RGL2: variants seen among roughly 807,000 people sequenced by gnomAD.
RGL2 encodes ral guanine nucleotide dissociation stimulator-like 2.
A neutral mutation model predicts 84.6 loss-of-function variants in RGL2; 40 were observed. The observed-to-expected ratio is 0.47, with a 90% CI of 0.37 to 0.62. The LOEUF (loss-of-function observed/expected upper bound fraction) is 0.62. Among genes scored for constraint, RGL2 ranks in the 20% least tolerant of loss-of-function variants. The pLI, the probability that RGL2 is intolerant of heterozygous loss-of-function variation, is 0.00. For synonymous variants in RGL2, 369 were observed against 417.3 expected (o/e 0.88, Z 1.41); for missense variants, 865 against 1,019.7 (o/e 0.85, Z 2.07).
Position 33,294,147 on chromosome 6 carries a change from C to CA in RGL2, c.1354-82dup. ...GAGAGAATATCCCCTCTCTTAAACA[C>CA]ACACAGCCACATCCAACTCACAACC... On this transcript the variant is annotated intron_variant, in intron 11 of 17. Coordinates refer to ENST00000497454, the MANE Select transcript of RGL2 (RefSeq NM_004761.5). The surrounding 1 kb of genome is among the most constrained non-coding windows in gnomAD (Gnocchi z 5.0). The CA allele has an allele frequency of 6.6e-7, 1 of 1,507,770 alleles. No homozygotes were observed. Among genetic ancestry groups the CA allele is most frequent in the South Asian group, 1.2e-5 (1 of 80,034 alleles). 93.4% of individuals were successfully genotyped at this position (1,507,770 alleles called of 1,614,324 possible).
chr6:33,294,631 C>T lies in RGL2; in HGVS notation c.1353+57G>A, dbSNP rs1767754782. The T allele has an allele frequency of 6.3e-7, 1 of 1,596,928 alleles. No homozygotes were observed. The highest frequency in any genetic ancestry group is 8.6e-7 in the Non-Finnish European group (1 of 1,167,186). On this transcript the variant is annotated intron_variant, in intron 11 of 17. Coordinates refer to ENST00000497454, the MANE Select transcript of RGL2 (RefSeq NM_004761.5). The surrounding 1 kb of genome is among the most constrained non-coding windows in gnomAD (Gnocchi z 5.0). ...CCTTGCAAGGGGCGGGGGGGTCTGT[C>T]CGACCCTGCAGCCCACTTGTTACAT...
In RGL2 at chr6:33,295,438, A is replaced by G; in HGVS notation, c.1021-16T>C. On this transcript the variant is annotated splice_polypyrimidine_tract_variant and intron_variant, in intron 7 of 17. Transcript: ENST00000497454. This position sits in a 1 kb window ranked among gnomAD's most constrained non-coding sequence, Gnocchi z 7.2. The stretch of plus-strand genomic sequence containing the variant: ...GCCGGCACTCCTGTGGGGGTCAAAG[A>G]AGAGAGCTAAGGCTATGGGAGGCCT... 1 of 1,613,256 alleles carries G rather than the reference A, an allele frequency of 6.2e-7. No individual in the cohort carries two copies. The highest frequency in any genetic ancestry group is 8.5e-7 in the Non-Finnish European group (1 of 1,179,988).
In RGL2 at chr6:33,294,173, A is replaced by G. The variant is rs1767709281; in HGVS notation, c.1354-107T>C. On this transcript the variant is annotated intron_variant, in intron 11 of 17. Transcript: ENST00000497454. This position sits in a 1 kb window ranked among gnomAD's most constrained non-coding sequence, Gnocchi z 5.0. ...ACACAGCCACATCCAACTCACAACC[A>G]CTTCCCTCCAGCCTCTCTGACTCTT... 1 of 1,332,804 alleles carries G rather than the reference A, an allele frequency of 7.5e-7. No homozygotes were observed. The highest frequency in any genetic ancestry group is 1.0e-6 in the Non-Finnish European group (1 of 962,194). The allele number at this position is 1,332,804 out of a possible 1,614,324, so 82.6% of individuals were successfully genotyped here. A position where few individuals can be genotyped will look rare whatever the true frequency, so the allele number is the denominator to read the frequency against.
rs371763822 is a variant in RGL2, at chr6:33,293,643, C to T, written c.1565G>A (p.Arg522Gln). 7.4e-6 allele frequency: 12 copies of T among 1,614,056 alleles called. No homozygotes were observed. Among genetic ancestry groups the T allele is most frequent in the African/African-American group, 6.7e-5 (5 of 74,924 alleles). The stretch of plus-strand genomic sequence containing the variant: ...GATGACCAATGTTGGCCGAAGCACC[C>T]GTGGGGCAGGAGGGTCACTGGAACC... ...PPGSSDPPAP[R>Q]VLRPTLVISQ... Residue 522 changes from arginine to glutamine, a missense_variant, in exon 14 of 18, where the codon CGG becomes CAG. By Grantham distance (43) the Arg-to-Gln change is conservative. This residue lies in a region of RGL2 where 75 missense variants were observed against 130.8 expected (regional missense o/e 0.57). Coordinates refer to ENST00000497454, the MANE Select transcript of RGL2 (RefSeq NM_004761.5). The surrounding 1 kb of genome is among the most constrained non-coding windows in gnomAD (Gnocchi z 7.0).
upstream of RGL2, chr6:33,299,379 C>G (rs1439716132): frequency 6.6e-6 from 1 of 152,218 alleles, no homozygotes; most frequent in East Asian, 1.9e-4. The surrounding 1 kb of genome is among the most constrained non-coding windows in gnomAD (Gnocchi z 5.0). Flanking sequence ...ATGTAGCTGA[C>G]CGAAATCCCG....
At position 33,297,077 on chromosome 6, in the gene RGL2, G is replaced by C; in HGVS notation, c.195C>G (p.Ala65=). ...ATTGGCGGCTTGTGACGGTAAACAC[G>C]GCACCATCCTCCTCCTCATCCCAGA... The part of the protein sequence containing the change: ...VSVWDEEEDG[A]VFTVTSRQYR... The change falls in exon 3 of 18, where the codon GCC becomes GCG. Residue 65 remains alanine, a synonymous_variant. Coordinates refer to ENST00000497454, the MANE Select transcript of RGL2 (RefSeq NM_004761.5). The surrounding 1 kb of genome is among the most constrained non-coding windows in gnomAD (Gnocchi z 4.0). 1 of 1,571,440 alleles carries C rather than the reference G, an allele frequency of 6.4e-7. No homozygotes were observed. Among genetic ancestry groups the C allele is most frequent in the Non-Finnish European group, 8.6e-7 (1 of 1,161,864 alleles).
intron 16 of RGL2, 35 bp downstream of exon 16, chr6:33,292,981 T>C: frequency 6.2e-7 from 1 of 1,613,298 alleles, no homozygotes; most frequent in Non-Finnish European, 8.5e-7. Flanking sequence ...CAAGACACCA[T>C]CCTTCACCCC....
rs572482479 is a variant in RGL2 at position 33,296,664 on chromosome 6, G to C, written c.353C>G (p.Ser118Ter). 1 of 1,613,894 alleles carries C rather than the reference G, an allele frequency of 6.2e-7. No homozygotes were observed. Among genetic ancestry groups the C allele is most frequent in the South Asian group, 1.1e-5 (1 of 91,072 alleles). The change falls in exon 4 of 18, where the codon TCA becomes TGA. Residue 118 changes from serine to a stop codon, truncating the protein, a stop_gained. Coordinates refer to ENST00000497454, the MANE Select transcript of RGL2 (RefSeq NM_004761.5). LOFTEE classifies it high-confidence loss of function. This position sits in a 1 kb window ranked among gnomAD's most constrained non-coding sequence, Gnocchi z 5.0. ...GGCCCGGTGGGTAGCCAGGAAGGCT[G>C]ACATGAAGCTCACATCAGTCCCTGA... ...RTSGTDVSFM[S>*]AFLATHRAFT...
In RGL2 at chr6:33,298,475, C is replaced by T; in HGVS notation, c.136G>A (p.Glu46Lys). The change falls in exon 2 of 18, where the codon GAG becomes AAG. Residue 46 changes from glutamate to lysine, a missense_variant. This residue lies in a region of RGL2 where 455 missense variants were observed against 507.8 expected (regional missense o/e 0.90). Transcript: ENST00000497454. This position sits in a 1 kb window ranked among gnomAD's most constrained non-coding sequence, Gnocchi z 4.8. ...CTCACCTCTTCTTCTTCCTCCTCCT[C>T]TTCCTCCTGCCCCCCGCCCACGACC... ...GLVVGGGQEE[E>K]EEEEEEAPVS... The T allele has an allele frequency of 1.3e-6, 2 of 1,513,988 alleles. No individual in the cohort carries two copies. Among genetic ancestry groups the T allele is most frequent in the South Asian group, 1.2e-5 (1 of 82,950 alleles). The allele number at this position is 1,513,988 out of a possible 1,614,324, so 93.8% of individuals were successfully genotyped here. A position where few individuals can be genotyped will look rare whatever the true frequency, so the allele number is the denominator to read the frequency against.
Position 33,293,179 on chromosome 6 carries a change from C to T in RGL2, c.1844G>A (p.Arg615His), listed in dbSNP as rs1419533755. Residue 615 changes from arginine (R) to histidine (H), a missense_variant, in exon 16 of 18, where the codon CGC becomes CAC. Coordinates refer to ENST00000497454, the MANE Select transcript of RGL2 (RefSeq NM_004761.5). The surrounding 1 kb of genome is among the most constrained non-coding windows in gnomAD (Gnocchi z 7.0). ...CGGGGAGCCACAGGAGGCTGAGCGG[C>T]GGTGACCTCGAGAAGGCCTAGGGGA... ...ASSPRPSRGH[R>H]RSASCGSPLS... The T allele has an allele frequency of 4.4e-6, 7 of 1,599,352 alleles. No individual in the cohort carries two copies. Among genetic ancestry groups the T allele is most frequent in the Admixed American group, 1.7e-5 (1 of 57,806 alleles).
chr6:33,297,189 C>T lies in RGL2; in HGVS notation c.157-74G>A. ...TTGCCCTCAGCCTTCACCCCAGGCC[C>T]TGCTCCTCCCTCTGTACCCCTCACC... On this transcript the variant is annotated intron_variant, in intron 2 of 17. Transcript: ENST00000497454. This position sits in a 1 kb window ranked among gnomAD's most constrained non-coding sequence, Gnocchi z 4.0. 5 of 1,145,498 alleles carry T rather than the reference C, an allele frequency of 4.4e-6. No homozygotes were observed. Among genetic ancestry groups the T allele is most frequent in the Non-Finnish European group, 6.2e-6 (5 of 800,412 alleles). The allele number at this position is 1,145,498 out of a possible 1,614,324, so 71.0% of individuals were successfully genotyped here.
Position 33,293,773 on chromosome 6 carries a change from C to T in RGL2, c.1508+22G>A, listed in dbSNP as rs1290276349. On this transcript the variant is annotated intron_variant, in intron 13 of 17. Transcript: ENST00000497454. This position sits in a 1 kb window ranked among gnomAD's most constrained non-coding sequence, Gnocchi z 7.0. ...CCACACCTGGCCAGAACCCTGGAGT[C>T]CCAACCTCACCCGCCAGTCACCTCT... 1.2e-6 allele frequency: 2 copies of T among 1,613,848 alleles called. No individual in the cohort carries two copies. The highest frequency in any genetic ancestry group is 1.7e-6 in the Non-Finnish European group (2 of 1,179,782).
Position 33,296,000 on chromosome 6 carries a change from G to C in RGL2, c.768+28C>G. 6.2e-7 allele frequency: 1 copy of C among 1,612,812 alleles called. No homozygotes were observed. Among genetic ancestry groups the C allele is most frequent in the Non-Finnish European group, 8.5e-7 (1 of 1,179,352 alleles). On this transcript the variant is annotated intron_variant, in intron 6 of 17. Transcript: ENST00000497454. The surrounding 1 kb of genome is among the most constrained non-coding windows in gnomAD (Gnocchi z 7.2). ...GGAGAGGTTAGTAAGGGGTCAGGGG[G>C]CATAGGGGCCAGAGGTCAGGGTCTC...
At position 33,297,553 on chromosome 6, in the gene RGL2, G is replaced by A. The variant is rs1344010822; in HGVS notation, c.157-438C>T. ...GCATGCCCCGCCCCTCCCGGCCAAGGACTATACCAGCCCAGAGAATTAGTC... is the reference window on the plus strand; with the variant it reads ...GCATGCCCCGCCCCTCCCGGCCAAGAACTATACCAGCCCAGAGAATTAGTC... On this transcript the variant is annotated intron_variant, in intron 2 of 17. Coordinates refer to ENST00000497454, the MANE Select transcript of RGL2 (RefSeq NM_004761.5). The surrounding 1 kb of genome is among the most constrained non-coding windows in gnomAD (Gnocchi z 4.0). 1.1e-5 allele frequency: 2 copies of A among 180,382 alleles called. No homozygotes were observed. The highest frequency in any genetic ancestry group is 2.4e-5 in the African/African-American group (1 of 42,226). 11.2% of individuals were successfully genotyped at this position (180,382 alleles called of 1,614,324 possible).
rs35300507 is a variant in RGL2, at chr6:33,296,143, TG to T, written c.652del (p.Gln218ArgfsTer34). ...CAGGGGCTTAGGAAGGTCGGGGGCC[TG>T]GGGGTCCACCCGGGACCGGAGATTG... ...IRNLRSRVDP[Q>X]APDLPKPLAL... On this transcript the variant is annotated frameshift_variant, in exon 6 of 18. Transcript: ENST00000497454. LOFTEE classifies it high-confidence loss of function. The surrounding 1 kb of genome is among the most constrained non-coding windows in gnomAD (Gnocchi z 5.0). The T allele has an allele frequency of 1.2e-6, 2 of 1,613,662 alleles. No homozygotes were observed. Among genetic ancestry groups the T allele is most frequent in the Non-Finnish European group, 1.7e-6 (2 of 1,179,910 alleles).
chr6:33,293,661 C>T lies in RGL2; in HGVS notation c.1547G>A (p.Ser516Asn). 1 of 1,614,168 alleles carries T rather than the reference C, an allele frequency of 6.2e-7. No individual in the cohort carries two copies. The highest frequency in any genetic ancestry group is 8.5e-7 in the Non-Finnish European group (1 of 1,180,022). Residue 516 changes from serine to asparagine, a missense_variant, in exon 14 of 18, where the codon AGT becomes AAT. By Grantham distance (46) the Ser-to-Asn change is conservative. Transcript: ENST00000497454. The surrounding 1 kb of genome is among the most constrained non-coding windows in gnomAD (Gnocchi z 7.0). ...AAGCACCCGTGGGGCAGGAGGGTCA[C>T]TGGAACCAGGTGGCTCCACCTCACA... ...VSCEVEPPGS[S>N]DPPAPRVLRP...
chr6:33,298,686 T>A lies in RGL2; in HGVS notation c.-41-35A>T. On this transcript the variant is annotated intron_variant, in intron 1 of 17. Coordinates refer to ENST00000497454, the MANE Select transcript of RGL2 (RefSeq NM_004761.5). This position sits in a 1 kb window ranked among gnomAD's most constrained non-coding sequence, Gnocchi z 4.8. ...GACGGGGTGGGGTGGGGGTGGAGAG[T>A]CAGGCAGGCGCGGGGGAACCGGGCA... is the stretch of plus-strand genomic sequence containing the variant. 1.1e-6 allele frequency: 1 copy of A among 951,144 alleles called. No individual in the cohort carries two copies. The highest frequency in any genetic ancestry group is 1.5e-6 in the Non-Finnish European group (1 of 682,038). 58.9% of individuals were successfully genotyped at this position (951,144 alleles called of 1,614,324 possible).
At position 33,296,528 on chromosome 6, in the gene RGL2, T is replaced by C; in HGVS notation, c.420-64A>G. On this transcript the variant is annotated intron_variant, in intron 4 of 17. Transcript: ENST00000497454. The surrounding 1 kb of genome is among the most constrained non-coding windows in gnomAD (Gnocchi z 5.0). ...AAACCCTCAGTGGCTTTGACTATTT[T>C]GGTGGGATGTTGCGGCTTTAGGAAA... 2 of 1,585,960 alleles carry C rather than the reference T, an allele frequency of 1.3e-6. No individual in the cohort carries two copies. The highest frequency in any genetic ancestry group is 1.7e-6 in the Non-Finnish European group (2 of 1,165,154).
upstream of RGL2, chr6:33,300,931 A>G (rs1768523494): frequency 6.8e-6 from 1 of 147,844 alleles, no homozygotes; most frequent in African/African-American, 2.5e-5. Flanking sequence ...GCGCCACTGC[A>G]CTCCAGCCTG....
Sources: allele counts gnomAD v4.1 joint callset, GRCh38; gene constraint gnomAD v4.1.1; regional missense constraint gnomAD v4.1.1; non-coding constraint Gnocchi (gnomAD v3.1); transcripts MANE v1.5; gene names NCBI Gene and HGNC (gene_info 2026-07-23, HGNC 2026-07-21).